Variants in CNIH3 observed in about 807,000 individuals in gnomAD.
CNIH3 encodes the protein protein cornichon homolog 3.
In CNIH3, 14 loss-of-function variants were observed where a neutral mutation model predicts 24.1. The observed-to-expected ratio is 0.58, with a 90% CI of 0.38 to 0.91. The LOEUF (loss-of-function observed/expected upper bound fraction) is 0.91. CNIH3 is among the 40% of genes least tolerant of loss of function. The probability of loss-of-function intolerance (pLI) is 0.00; values close to 1 mark genes in which losing one functional copy is unlikely to be tolerated. For missense variants in CNIH3, 178 were observed against 196.8 expected, an observed-to-expected ratio of 0.90 and a Z score of 0.57; for synonymous variants, 68 against 73.8, an observed-to-expected ratio of 0.92 and a Z score of 0.40.
chr1:224,589,755 T>C (rs992092539), downstream of CNIH3, among the ~76,000 whole-genome samples: 4 of 152,128 alleles, frequency 2.6e-5, no homozygotes, highest in Admixed American at 6.5e-5. Flanking sequence ...CAGCATGGGA[T>C]TGAGAAAGGA....
At chr1:224,580,502 C>T (rs1272435158) in intron 4 of CNIH3, among the ~76,000 whole-genome samples, 1 of 151,830 alleles carries the variant, frequency 6.6e-6, no homozygotes, top group Non-Finnish European at 1.5e-5. Flanking sequence ...GGGGAAAGGG[C>T]AAAGCGAAAA....
intron 1 of CNIH3, among the ~76,000 whole-genome samples, chr1:224,440,799 C>G (rs1021563118): frequency 6.6e-6 from 1 of 151,560 alleles, no homozygotes; most frequent in Non-Finnish European, 1.5e-5. Context: ...TTGAATTTTA[C>G]AGCTGTATAC....
intron 1 of CNIH3, among the ~76,000 whole-genome samples, chr1:224,500,722 T>A (rs1677621453): frequency 6.6e-6 from 1 of 151,862 alleles, no homozygotes; most frequent in African/African-American, 2.4e-5. Flanking sequence ...TCATGACTGA[T>A]CTTTAATCTG....
At chr1:224,719,775 A>G (rs1688615255) in intron 3 of CNIH3, among the ~76,000 whole-genome samples, 1 of 152,194 alleles carries the variant, frequency 6.6e-6, no homozygotes, top group African/African-American at 2.4e-5. Context: ...TCCTTAATCT[A>G]CTACTATTTT....
chr1:224,557,260 C>A (rs1373183552), intron 3 of CNIH3, among the ~76,000 whole-genome samples: 1 of 152,060 alleles, frequency 6.6e-6, no homozygotes, highest in South Asian at 2.1e-4. Context: ...GTTGCTCAGG[C>A]TGGTCTCAAA....
intron 1 of CNIH3, among the ~76,000 whole-genome samples, chr1:224,482,577 G>A (rs1241169160): frequency 1.3e-5 from 2 of 151,974 alleles, no homozygotes; most frequent in East Asian, 1.9e-4. Flanking sequence ...ACTCTGCCCA[G>A]TGCCCTATCT....
Position 224,616,839 on chromosome 1 carries a change from T to G in CNIH3, c.-336T>G. 1 of 1,128,362 alleles carries G rather than the reference T, an allele frequency of 8.9e-7. No individual in the cohort carries two copies. The highest frequency in any genetic ancestry group is 1.1e-6 in the Non-Finnish European group (1 of 921,236). The allele number at this position is 1,128,362 out of a possible 1,614,324, so 69.9% of individuals were successfully genotyped here. On this transcript the variant is annotated 5_prime_UTR_variant, in exon 1 of 6. Transcript: ENST00000272133. Reference sequence around the variant, plus strand: ...CGTGGAGTCGTCGCATCGCTTGTCGTGTTGGTCTCGAGGGGCTCACAGCTT... The same window carrying G: ...CGTGGAGTCGTCGCATCGCTTGTCGGGTTGGTCTCGAGGGGCTCACAGCTT...
intron 2 of CNIH3, among the ~76,000 whole-genome samples, chr1:224,545,443 A>G (rs1679667593): frequency 6.6e-6 from 1 of 152,206 alleles, no homozygotes; most frequent in Non-Finnish European, 1.5e-5. Flanking sequence ...TACGTATTTC[A>G]CAACAGTATC....
chr1:224,645,131 A>C (rs1684540711), intron 1 of CNIH3, among the ~76,000 whole-genome samples: 1 of 152,200 alleles, frequency 6.6e-6, no homozygotes, highest in Non-Finnish European at 1.5e-5. Context: ...GAAATACACA[A>C]GAGGGAGTCA....
intron 1 of CNIH3, among the ~76,000 whole-genome samples, chr1:224,651,715 G>A (rs1324354484): frequency 6.6e-6 from 1 of 152,150 alleles, no homozygotes; most frequent in Middle Eastern, 3.2e-3. Context: ...ATTTAGATGT[G>A]TCACTGTTTA....
chr1:224,492,189 T>G (rs1325978170), intron 1 of CNIH3, among the ~76,000 whole-genome samples: 1 of 152,266 alleles, frequency 6.6e-6, no homozygotes, highest in Non-Finnish European at 1.5e-5. Context: ...TGATGTCATG[T>G]TAACATTGGC....
At chr1:224,610,017 CCCATAAAA>C (rs774125439) in intron 3 of CNIH3, among the ~76,000 whole-genome samples, 35 of 152,152 alleles carry the variant, frequency 2.3e-4, no homozygotes, top group Non-Finnish European at 4.6e-4. Flanking sequence ...ATTTCAAGTA[CCCATAAAA>C]CCATTCTGTT....
intron 3 of CNIH3, among the ~76,000 whole-genome samples, chr1:224,727,153 A>G (rs912299063): frequency 6.6e-6 from 1 of 152,146 alleles, no homozygotes; most frequent in African/African-American, 2.4e-5. Context: ...CTTGTTAAGG[A>G]AGGGCTGAGT....
At chr1:224,679,153 A>G (rs1446624872) in intron 1 of CNIH3, among the ~76,000 whole-genome samples, 1 of 152,120 alleles carries the variant, frequency 6.6e-6, no homozygotes, top group Admixed American at 6.5e-5. Context: ...CCCCATCTCC[A>G]CTAAAAATAT....
chr1:224,485,994 G>T (rs1447685827), intron 1 of CNIH3, among the ~76,000 whole-genome samples: 3 of 152,014 alleles, frequency 2.0e-5, no homozygotes, highest in African/African-American at 7.2e-5. Context: ...TGGAAGGGAC[G>T]CTTTCCCTTT....
intron 4 of CNIH3, among the ~76,000 whole-genome samples, chr1:224,575,791 A>G (rs1221101412): frequency 6.6e-6 from 1 of 152,144 alleles, no homozygotes; most frequent in Non-Finnish European, 1.5e-5. Flanking sequence ...ACGAAGATCT[A>G]TAAATATGTA....
At chr1:224,678,858 G>A (rs12137592) in intron 1 of CNIH3, among the ~76,000 whole-genome samples, 6,299 of 152,158 alleles carry the variant, frequency 0.041, 209 homozygotes, top group East Asian at 0.15. Flanking sequence ...TAGTGGAGAG[G>A]ATAGCTCTAG....
chr1:224,665,726 C>T (rs192865172), intron 1 of CNIH3, among the ~76,000 whole-genome samples: 128 of 152,282 alleles, frequency 8.4e-4, no homozygotes, highest in African/African-American at 3.1e-3. Flanking sequence ...ACCTAAGTTA[C>T]GACATGGAAG....
chr1:224,563,770 C>A (rs2124987970), intron 3 of CNIH3, among the ~76,000 whole-genome samples: 1 of 152,156 alleles, frequency 6.6e-6, no homozygotes, highest in East Asian at 1.9e-4. Context: ...TTAAAAGAAC[C>A]AGATGGTTCA....
Sources: allele counts gnomAD v4.1 joint callset (sites outside exome capture counted in the v4.1 genomes callset), GRCh38; gene constraint gnomAD v4.1.1; transcripts MANE v1.5; gene names NCBI Gene and HGNC (gene_info 2026-07-23, HGNC 2026-07-21).